The following THADA variants were observed in gnomAD, a reference collection of about 807,000 sequenced individuals.
The protein encoded by THADA is THADA armadillo repeat containing, also known as tRNA (32-2'-O)-methyltransferase regulator THADA.
In THADA, 213 loss-of-function variants were observed where a neutral mutation model predicts 219.8. That is an observed-to-expected ratio of 0.97 (90% confidence interval 0.87 to 1.09). The LOEUF (loss-of-function observed/expected upper bound fraction) is 1.09, where lower values mean the gene tolerates loss of function less well. THADA is among the 50% of genes least tolerant of loss of function. The probability of loss-of-function intolerance (pLI) is 0.00; values close to 1 mark genes in which losing one functional copy is unlikely to be tolerated. For synonymous variants in THADA, 1,018 were observed against 828.9 expected, an observed-to-expected ratio of 1.23 and a Z score of -3.92; for missense variants, 2,956 against 2,311.3, an observed-to-expected ratio of 1.28 and a Z score of -5.72.
chr2:43,566,593 C>G, intron 15 of THADA, 105 bp downstream of exon 15: 6 of 1,256,700 alleles, frequency 4.8e-6, no homozygotes, highest in Non-Finnish European at 6.9e-6. Context: ...AATGAAACCT[C>G]AAAGAAAGGC....
chr2:43,387,630 C>T lies in THADA; in HGVS notation c.4227+10341G>A, dbSNP rs189275502. 1.2e-4 allele frequency among the ~76,000 whole-genome samples: 19 copies of T among 152,244 alleles called. No homozygotes were observed. In the South Asian group the frequency reaches 2.7e-3, roughly 22 times the overall value. ...CCATAGGTACCATGGAACAAAGGTT[C>T]TCAACTAGGGGCAATTTTGCCCCCG... is the stretch of plus-strand genomic sequence containing the variant. On this transcript the variant is annotated intron_variant, in intron 29 of 37. Transcript: ENST00000405975.
chr2:43,583,567 C>G (rs1237991523), intron 7 of THADA, among the ~76,000 whole-genome samples: 1 of 152,122 alleles, frequency 6.6e-6, no homozygotes, highest in African/African-American at 2.4e-5. Context: ...TACGTATATA[C>G]CCAAAAGAGC....
intron 26 of THADA, among the ~76,000 whole-genome samples, chr2:43,442,903 C>T (rs920708977): frequency 6.6e-6 from 1 of 152,188 alleles, no homozygotes; most frequent in Admixed American, 6.5e-5. Context: ...TCCGCCTCTG[C>T]TGCCCACCGC....
intron 26 of THADA, among the ~76,000 whole-genome samples, chr2:43,470,269 G>T (rs535184561): frequency 6.6e-6 from 1 of 150,658 alleles, no homozygotes; most frequent in East Asian, 1.9e-4. Flanking sequence ...TGTAAATAGA[G>T]TCTGAGGCCA....
At chr2:43,326,840 C>A (rs1679392005) in intron 30 of THADA, among the ~76,000 whole-genome samples, 1 of 152,206 alleles carries the variant, frequency 6.6e-6, no homozygotes, top group African/African-American at 2.4e-5. Context: ...TCACTTTGGA[C>A]TTACCAAGCT....
intron 35 of THADA, among the ~76,000 whole-genome samples, chr2:43,282,794 G>C (rs1673516847): frequency 6.6e-6 from 1 of 152,168 alleles, no homozygotes; most frequent in African/African-American, 2.4e-5. Flanking sequence ...CTCAAGCTTG[G>C]TTTTCTTATA....
chr2:43,411,782 T>C (rs1368225626), intron 28 of THADA, among the ~76,000 whole-genome samples: 1 of 152,192 alleles, frequency 6.6e-6, no homozygotes, highest in African/African-American at 2.4e-5. Context: ...GGTGGTGGTA[T>C]CTTTGTTCAG....
chr2:43,386,762 T>G (rs533478340), intron 29 of THADA, among the ~76,000 whole-genome samples: 1 of 152,072 alleles, frequency 6.6e-6, no homozygotes, highest in South Asian at 2.1e-4. Flanking sequence ...CAGGTGCCAG[T>G]GGCGCGTGCC....
chr2:43,540,220 T>A (rs962951744), intron 21 of THADA, among the ~76,000 whole-genome samples: 1 of 152,196 alleles, frequency 6.6e-6, no homozygotes, highest in Non-Finnish European at 1.5e-5. Flanking sequence ...CCTATTTGAT[T>A]TGGAAGAGAA....
intron 37 of THADA, among the ~76,000 whole-genome samples, chr2:43,232,434 T>TC (rs1340289074): frequency 6.6e-5 from 10 of 152,036 alleles, no homozygotes; most frequent in African/African-American, 2.4e-4. Flanking sequence ...TGCCTTGGCC[T>TC]CCCAAAGTGC....
chr2:43,299,666 CA>C (rs1181645187), intron 31 of THADA, among the ~76,000 whole-genome samples: 2 of 151,836 alleles, frequency 1.3e-5, no homozygotes, highest in East Asian at 3.9e-4. Context: ...GTCTCAAAAA[CA>C]ACAACACCAA....
rs758564351 is a variant in THADA, at chr2:43,292,914, C to T, written c.4738G>A (p.Val1580Met). 5.5e-5 allele frequency: 89 copies of T among 1,613,934 alleles called. 1 individual carries two copies. The highest frequency in any genetic ancestry group is 3.7e-4 in the Admixed American group (22 of 60,012). Residue 1580 changes from valine (V) to methionine (M), a missense_variant, in exon 32 of 38, where the codon GTG becomes ATG. By Grantham distance (21) the Val-to-Met change is conservative. Coordinates refer to ENST00000405975, the MANE Select transcript of THADA (RefSeq NM_022065.5). ...AAASGLGEKG[V>M]PPLLCNMGEK... is the part of the protein sequence containing the mutation. ...CCCATGTTGCACAGCAAGGGTGGCA[C>T]GCCCTTCTCTCCAAGTCCAGAGGCT...
At chr2:43,278,032 C>T (rs999186578) in intron 36 of THADA, among the ~76,000 whole-genome samples, 1 of 150,848 alleles carries the variant, frequency 6.6e-6, no homozygotes, top group Admixed American at 6.6e-5. Context: ...CTCACTGCGA[C>T]CTATGCCTCC....
At chr2:43,458,239 G>A (rs1051173625) in intron 26 of THADA, among the ~76,000 whole-genome samples, 1 of 152,138 alleles carries the variant, frequency 6.6e-6, no homozygotes, top group Non-Finnish European at 1.5e-5. Context: ...AGTCTGCGTC[G>A]TATGTTTTGA....
intron 30 of THADA, among the ~76,000 whole-genome samples, chr2:43,329,724 A>ACAAT (rs1202004004): frequency 2.0e-5 from 3 of 152,196 alleles, no homozygotes; most frequent in Non-Finnish European, 4.4e-5. Flanking sequence ...TGTCCCAAAC[A>ACAAT]CAATCAGGTG....
chr2:43,324,387 A>G (rs2104474462), intron 30 of THADA, among the ~76,000 whole-genome samples: 1 of 152,292 alleles, frequency 6.6e-6, no homozygotes, highest in East Asian at 1.9e-4. Context: ...GATGTAGTCA[A>G]CAAGATCATG....
Position 43,552,300 on chromosome 2 carries a change from G to T in THADA, c.2714C>A (p.Ser905Tyr). The T allele has an allele frequency of 6.2e-7, 1 of 1,605,992 alleles. No homozygotes were observed. Among genetic ancestry groups the T allele is most frequent in the South Asian group, 1.1e-5 (1 of 89,108 alleles). The change falls in exon 18 of 38, where the codon TCT (serine) becomes TAT (tyrosine). Residue 905 changes from serine to tyrosine, a missense_variant. Ser to Tyr is a moderately radical substitution (Grantham distance 144). Coordinates refer to ENST00000405975, the MANE Select transcript of THADA (RefSeq NM_022065.5). ...CLMENLEEEVSQAENSLLQAA... is the reference protein window; with the variant it reads ...CLMENLEEEVYQAENSLLQAA... ...CTGAAGCAGAGAATTTTCAGCCTGA[G>T]ATACTTCTTCCTCAAGATTTTCCAT...
intron 18 of THADA, 135 bp downstream of exon 18, chr2:43,552,068 TA>T (rs1440800980): frequency 6.7e-7 from 1 of 1,501,084 alleles, no homozygotes. Context: ...CACAGATACG[TA>T]TGTTTTTAAA....
At chr2:43,254,802 G>A (rs549634686) in intron 36 of THADA, among the ~76,000 whole-genome samples, 18 of 152,232 alleles carry the variant, frequency 1.2e-4, no homozygotes, top group African/African-American at 4.3e-4. Flanking sequence ...CCTTAAACCT[G>A]ATGCAGAGAC....
Sources: allele counts gnomAD v4.1 joint callset (sites outside exome capture counted in the v4.1 genomes callset), GRCh38; gene constraint gnomAD v4.1.1; transcripts MANE v1.5; gene names NCBI Gene and HGNC (gene_info 2026-07-23, HGNC 2026-07-21).